GTF3C1: variants seen among roughly 807,000 people sequenced by gnomAD.
GTF3C1 encodes general transcription factor 3C polypeptide 1.
In GTF3C1, 57 loss-of-function variants were observed where a neutral mutation model predicts 226.7. That is an observed-to-expected ratio of 0.25 (90% CI 0.20 to 0.31). The LOEUF (loss-of-function observed/expected upper bound fraction) is 0.31, where lower values mean the gene tolerates loss of function less well. Among genes scored for constraint, GTF3C1 ranks in the 10% least tolerant of loss-of-function variants. GTF3C1 has a pLI of 1.00. For missense variants in GTF3C1, 2,217 were observed against 2,776.1 expected, an observed-to-expected ratio of 0.80 and a Z score of 4.53; for synonymous variants, 1,090 against 1,084.8, an observed-to-expected ratio of 1.00 and a Z score of -0.09.
In GTF3C1 at chr16:27,469,271, G is replaced by C; in HGVS notation, c.5074+20C>G. On this transcript the variant is annotated intron_variant, in intron 32 of 36. Coordinates refer to ENST00000356183, the MANE Select transcript of GTF3C1 (RefSeq NM_001520.4). The surrounding 1 kb of genome is among the most constrained non-coding windows in gnomAD (Gnocchi z 4.5). ...GATGGCGAGGCCAGGCCCTCCCACA[G>C]CACCAGCAGGAGCACTCACCAGCGG... is the stretch of plus-strand genomic sequence containing the variant. The C allele has an allele frequency of 6.5e-7, 1 of 1,542,000 alleles. No homozygotes were observed.
At chr16:27,465,654 C>CTGTGGCTGTCGGGGAA in intron 32 of GTF3C1, 114 bp from the exon 33 acceptor site, 1 of 825,986 alleles carries the variant, frequency 1.2e-6, no homozygotes, top group Non-Finnish European at 1.9e-6. Context: ...ACTGCTTCCC[C>CTGTGGCTGTCGGGGAA]GACAGCCACA....
chr16:27,542,751 A>G (rs1488141198), intron 2 of GTF3C1, among the ~76,000 whole-genome samples: 1 of 152,082 alleles, frequency 6.6e-6, no homozygotes, highest in Non-Finnish European at 1.5e-5. Flanking sequence ...TAAAGCAAGG[A>G]TGTCCTCCGG....
intron 10 of GTF3C1, 152 bp downstream of exon 10, chr16:27,505,747 C>T (rs1251365612): frequency 1.6e-6 from 1 of 611,790 alleles, no homozygotes; most frequent in Non-Finnish European, 2.9e-6. Context: ...TAGATAAGCA[C>T]AGAGCTACTG....
chr16:27,505,732 G>T (rs1258396630), intron 10 of GTF3C1, among the ~76,000 whole-genome samples, 167 bp downstream of exon 10: 2 of 152,238 alleles, frequency 1.3e-5, no homozygotes, highest in Non-Finnish European at 1.5e-5. Context: ...CGTGAAAGTG[G>T]TGTGTAGATA....
At chr16:27,523,877 G>A (rs1237012739) in intron 6 of GTF3C1, among the ~76,000 whole-genome samples, 1 of 152,174 alleles carries the variant, frequency 6.6e-6, no homozygotes, top group Non-Finnish European at 1.5e-5. Context: ...CCAGCAATCA[G>A]AATGGCTCCT....
In GTF3C1 at chr16:27,461,650, T is replaced by C; in HGVS notation, c.6118-88A>G. The C allele has an allele frequency of 9.9e-7, 1 of 1,009,446 alleles. No individual in the cohort carries two copies. The highest frequency in any genetic ancestry group is 1.5e-6 in the Non-Finnish European group (1 of 665,482). 62.5% of individuals were successfully genotyped at this position (1,009,446 alleles called of 1,614,324 possible). A position where few individuals can be genotyped will look rare whatever the true frequency, so the allele number is the denominator to read the frequency against. ...TCAAGCATTTATGGAATGCCCCCTCTGTACCAGGGAGCCACTTCCCAGAGC... is the reference window on the plus strand; with the variant it reads ...TCAAGCATTTATGGAATGCCCCCTCCGTACCAGGGAGCCACTTCCCAGAGC... On this transcript the variant is annotated intron_variant, in intron 36 of 36. Coordinates refer to ENST00000356183, the MANE Select transcript of GTF3C1 (RefSeq NM_001520.4). The surrounding 1 kb of genome is among the most constrained non-coding windows in gnomAD (Gnocchi z 5.3).
chr16:27,508,702 T>C, intron 7 of GTF3C1, 47 bp from the exon 8 acceptor site: 2 of 1,399,024 alleles, frequency 1.4e-6, no homozygotes, highest in Non-Finnish European at 1.0e-6. Flanking sequence ...AAAGGAGCTG[T>C]TCTGCACAAG....
Position 27,511,739 on chromosome 16 carries a change from C to G in GTF3C1, c.1126+10G>C. 1 of 1,613,692 alleles carries G rather than the reference C, an allele frequency of 6.2e-7. No individual in the cohort carries two copies. Among genetic ancestry groups the G allele is most frequent in the South Asian group, 1.1e-5 (1 of 91,022 alleles). ...ATCCATATCCAAGCTGGCATGGGAA[C>G]AAGACTTACTGAGGTCGTAGGTCTG... On this transcript the variant is annotated intron_variant, in intron 7 of 36. Transcript: ENST00000356183.
In GTF3C1 at chr16:27,549,810, C is replaced by A. The variant is rs142351765; in HGVS notation, c.81G>T (p.Arg27=). The change falls in exon 1 of 37, where the codon CGG becomes CGT. Residue 27 remains arginine, a synonymous_variant. Coordinates refer to ENST00000356183, the MANE Select transcript of GTF3C1 (RefSeq NM_001520.4). ...GGAAGGGCGGCACTCGCGTCTCCAG[C>A]CGGCTCCACAGCGCTGGCAGACACA... The part of the protein sequence containing the change: ...DGLCLPALWS[R]LETRVPPFPL... 218 of 1,613,006 alleles carry A rather than the reference C, an allele frequency of 1.4e-4. 3 individuals carry two copies. In the African/African-American group the frequency reaches 2.3e-3, roughly 17 times the overall value.
Position 27,485,993 on chromosome 16 carries a change from G to C in GTF3C1, c.3858+4C>G. ...GCCCACCGCTGGGCTGGGCTGGTTG[G>C]TACCTTGGTGTTGAGGACATTGCTG... On this transcript the variant is annotated splice_donor_region_variant and intron_variant, in intron 24 of 36. Transcript: ENST00000356183. 1 of 1,597,614 alleles carries C rather than the reference G, an allele frequency of 6.3e-7. No homozygotes were observed. The highest frequency in any genetic ancestry group is 1.1e-5 in the South Asian group (1 of 89,490).
At chr16:27,515,433 T>G in intron 6 of GTF3C1, among the ~76,000 whole-genome samples, 1 of 148,230 alleles carries the variant, frequency 6.7e-6, no homozygotes. Flanking sequence ...TGGGCAAGAG[T>G]GAGACTCTGT....
At chr16:27,533,222 G>T in intron 5 of GTF3C1, 69 bp downstream of exon 5, 1 of 754,702 alleles carries the variant, frequency 1.3e-6, no homozygotes. Context: ...ATTCCTCTAT[G>T]CCTGACAAGA....
intron 28 of GTF3C1, among the ~76,000 whole-genome samples, chr16:27,477,547 C>T (rs569267980): frequency 3.0e-4 from 46 of 152,194 alleles, no homozygotes; most frequent in African/African-American, 9.9e-4. Flanking sequence ...TCAGGTGATC[C>T]GCCGGCAGCG....
intron 21 of GTF3C1, 21 bp downstream of exon 21, chr16:27,489,022 T>A: frequency 6.2e-7 from 1 of 1,608,812 alleles, no homozygotes; most frequent in Non-Finnish European, 8.5e-7. Flanking sequence ...GAGATTGTAG[T>A]CCGGTGTGAC....
chr16:27,531,441 T>C (rs1187236805), intron 5 of GTF3C1, among the ~76,000 whole-genome samples: 1 of 152,226 alleles, frequency 6.6e-6, no homozygotes, highest in Non-Finnish European at 1.5e-5. Context: ...CTTTGAGGCT[T>C]TCCCCAGTTC....
At chr16:27,494,933 C>T (rs2088293365) in intron 15 of GTF3C1, 25 bp from the exon 16 acceptor site, 1 of 1,606,678 alleles carries the variant, frequency 6.2e-7, no homozygotes, top group Admixed American at 1.7e-5. Context: ...CACGGTTACC[C>T]CCGGCAGCCA....
At chr16:27,477,621 A>G (rs2087971566) in intron 28 of GTF3C1, among the ~76,000 whole-genome samples, 1 of 152,172 alleles carries the variant, frequency 6.6e-6, no homozygotes, top group African/African-American at 2.4e-5. Context: ...TTTTGTTAAC[A>G]GTTTCTTTTC....
intron 2 of GTF3C1, among the ~76,000 whole-genome samples, chr16:27,541,445 T>C (rs2089081035): frequency 6.6e-6 from 1 of 152,232 alleles, no homozygotes; most frequent in Non-Finnish European, 1.5e-5. Context: ...GCCGGCTTTG[T>C]GCCAGGCATA....
Position 27,469,413 on chromosome 16 carries a change from T to G in GTF3C1, c.4952A>C (p.Tyr1651Ser). 6.2e-7 allele frequency: 1 copy of G among 1,614,074 alleles called. No homozygotes were observed. The highest frequency in any genetic ancestry group is 1.1e-5 in the South Asian group (1 of 91,046). ...SHTNYLLMRG[Y>S]YSPGIVSTRN... Reference sequence around the variant, plus strand: ...GGTGCTGACGATGCCGGGGGAGTAGTAGCCCCTCATCAGCAGGTAGTTGGT... The same window carrying G: ...GGTGCTGACGATGCCGGGGGAGTAGGAGCCCCTCATCAGCAGGTAGTTGGT... The change falls in exon 32 of 37, where the codon TAC becomes TCC. Residue 1651 changes from tyrosine to serine, a missense_variant. Physicochemically the swap from Tyr to Ser is moderately radical, Grantham distance 144. Around this residue, in one of 12 missense-constraint regions of GTF3C1, gnomAD observed 455 missense variants for 441.9 expected, o/e 1.03. Coordinates refer to ENST00000356183, the MANE Select transcript of GTF3C1 (RefSeq NM_001520.4). The surrounding 1 kb of genome is among the most constrained non-coding windows in gnomAD (Gnocchi z 4.5).
Sources: gnomAD v4.1 joint callset for allele counts (sites outside exome capture counted in the v4.1 genomes callset) on GRCh38, gnomAD v4.1.1 for gene constraint, gnomAD v4.1.1 regional missense constraint, Gnocchi (gnomAD v3.1) non-coding constraint, MANE v1.5 for transcripts, NCBI Gene and HGNC (gene_info 2026-07-23, HGNC 2026-07-21) for gene names.